The following SHISA6 variants were observed in gnomAD, a reference collection of about 807,000 sequenced individuals.
SHISA6 encodes shisa family member 6.
SHISA6 carries 22 observed loss-of-function variants against 47.9 expected under a neutral mutation model. The observed-to-expected ratio is 0.46, with a 90% CI of 0.33 to 0.66. The LOEUF (loss-of-function observed/expected upper bound fraction) is 0.66. Among genes scored for constraint, SHISA6 ranks in the 30% least tolerant of loss-of-function variants. SHISA6 has a pLI of 0.02. For synonymous variants in SHISA6, 388 were observed against 337.8 expected (o/e 1.15, Z -1.63); for missense variants, 680 against 764.6 (o/e 0.89, Z 1.30).
chr17:11,349,065 G>A (rs916607945), intron 2 of SHISA6, among the ~76,000 whole-genome samples: 2 of 152,156 alleles, frequency 1.3e-5, no homozygotes, highest in African/African-American at 4.8e-5. Context: ...GGTTGTGTTT[G>A]GTCTGGGATC....
intron 3 of SHISA6, among the ~76,000 whole-genome samples, chr17:11,526,110 A>ATC (rs2071678692): frequency 6.8e-6 from 1 of 146,862 alleles, no homozygotes; most frequent in African/African-American, 2.5e-5. Flanking sequence ...TACCAAGGGG[A>ATC]CCCCCCCCCG....
At chr17:11,459,295 A>G (rs895774428) in intron 3 of SHISA6, among the ~76,000 whole-genome samples, 6 of 151,464 alleles carry the variant, frequency 4.0e-5, no homozygotes, top group African/African-American at 1.5e-4. Flanking sequence ...GCCCTCCCCT[A>G]CCCTCCTACA....
At chr17:11,331,040 C>T (rs1412756109) in intron 2 of SHISA6, among the ~76,000 whole-genome samples, 1 of 152,188 alleles carries the variant, frequency 6.6e-6, no homozygotes, top group African/African-American at 2.4e-5. Flanking sequence ...CTTATAAGAA[C>T]TGGCTGCATT....
At chr17:11,348,434 A>G (rs1911768954) in intron 2 of SHISA6, among the ~76,000 whole-genome samples, 1 of 152,198 alleles carries the variant, frequency 6.6e-6, no homozygotes, top group Admixed American at 6.5e-5. Flanking sequence ...ATTCTTGATG[A>G]GCTAACGGCA....
chr17:11,310,710 C>T (rs1325010232), intron 2 of SHISA6, among the ~76,000 whole-genome samples: 2 of 152,140 alleles, frequency 1.3e-5, no homozygotes, highest in Non-Finnish European at 2.9e-5. Flanking sequence ...CGCGGTGGCT[C>T]ATGCCTATAA....
At chr17:11,417,249 T>C (rs1243931583) in intron 3 of SHISA6, among the ~76,000 whole-genome samples, 2 of 152,030 alleles carry the variant, frequency 1.3e-5, no homozygotes, top group Non-Finnish European at 2.9e-5. Flanking sequence ...TTCAGAAAGA[T>C]CAAATTATTA....
At chr17:11,247,599 C>T (rs1907640100) in intron 1 of SHISA6, among the ~76,000 whole-genome samples, 2 of 152,116 alleles carry the variant, frequency 1.3e-5, no homozygotes, top group South Asian at 4.1e-4. Flanking sequence ...TAAGATGTCT[C>T]AGATTGGTTG....
intron 3 of SHISA6, among the ~76,000 whole-genome samples, chr17:11,463,093 C>T (rs946567834): frequency 2.0e-5 from 3 of 152,140 alleles, no homozygotes; most frequent in African/African-American, 7.2e-5. Flanking sequence ...AAGGATTATC[C>T]AGGAACAGTT....
intron 3 of SHISA6, among the ~76,000 whole-genome samples, chr17:11,525,722 AAC>A (rs921501842): frequency 6.6e-5 from 10 of 151,494 alleles, no homozygotes; most frequent in African/African-American, 2.4e-4. Flanking sequence ...TGTTTTATAT[AAC>A]AGTCTTTATG....
At chr17:11,353,306 A>G (rs1911954980) in intron 2 of SHISA6, among the ~76,000 whole-genome samples, 1 of 151,970 alleles carries the variant, frequency 6.6e-6, no homozygotes, top group Non-Finnish European at 1.5e-5. Context: ...AAAATTCAAA[A>G]ATTAGCTGGG....
At chr17:11,277,992 G>A (rs755988876) in intron 2 of SHISA6, among the ~76,000 whole-genome samples, 6 of 152,316 alleles carry the variant, frequency 3.9e-5, no homozygotes, top group Non-Finnish European at 8.8e-5. Flanking sequence ...TCTTTGACTA[G>A]AGAAGAATGG....
intron 2 of SHISA6, among the ~76,000 whole-genome samples, chr17:11,366,936 C>A (rs751320785): frequency 1.3e-5 from 2 of 152,130 alleles, no homozygotes; most frequent in Non-Finnish European, 2.9e-5. Flanking sequence ...CAGATATAAT[C>A]AAATTAAGAT....
intron 1 of SHISA6, among the ~76,000 whole-genome samples, chr17:11,261,091 G>A (rs79834897): frequency 0.032 from 4,836 of 151,874 alleles, 180 homozygotes; most frequent in African/African-American, 0.093. Context: ...GGGGATGGAA[G>A]ATGGAGAGGA....
intron 3 of SHISA6, among the ~76,000 whole-genome samples, chr17:11,547,674 T>C (rs1447051527): frequency 6.6e-6 from 1 of 151,494 alleles, no homozygotes; most frequent in Admixed American, 6.6e-5. Flanking sequence ...CCAAAGAAAA[T>C]TAGGAGGCAG....
intron 2 of SHISA6, among the ~76,000 whole-genome samples, chr17:11,335,748 C>G (rs1483445711): frequency 1.3e-5 from 2 of 152,170 alleles, no homozygotes; most frequent in Non-Finnish European, 2.9e-5. Context: ...TGAGTTCCTT[C>G]TCTGGTGCCA....
Position 11,557,926 on chromosome 17 carries a change from T to A in SHISA6, c.1278T>A (p.Asp426Glu). The change falls in exon 6 of 6, where the codon GAT becomes GAA. Residue 426 changes from aspartate (D) to glutamate (E), a missense_variant. By Grantham distance (45) the Asp-to-Glu change is conservative. Around this residue, in one of 2 missense-constraint regions of SHISA6, gnomAD observed 559 missense variants for 674.1 expected, o/e 0.83. Transcript: ENST00000441885. Reference protein sequence around the residue: ...AMSQDRVLSPDRGLPDEFSMP... With the variant: ...AMSQDRVLSPERGLPDEFSMP... ...CCCAGGACAGGGTCCTGTCCCCGGA[T>A]CGGGGCCTGCCAGATGAGTTCAGCA... The A allele has an allele frequency of 6.4e-7, 1 of 1,551,512 alleles. No homozygotes were observed. Among genetic ancestry groups the A allele is most frequent in the Non-Finnish European group, 8.7e-7 (1 of 1,146,964 alleles).
At chr17:11,374,506 CTGTG>C (rs1912728098) in intron 2 of SHISA6, among the ~76,000 whole-genome samples, 2 of 150,756 alleles carry the variant, frequency 1.3e-5, no homozygotes, top group Admixed American at 6.6e-5. Context: ...GACTTGATTT[CTGTG>C]TATGTGTTTT....
At chr17:11,410,958 T>A (rs11656008) in intron 3 of SHISA6, among the ~76,000 whole-genome samples, 58,195 of 152,002 alleles carry the variant, frequency 0.38, 11,429 homozygotes, top group Middle Eastern at 0.46. Flanking sequence ...TGTCTATTTT[T>A]TTTATTTTTT....
At chr17:11,366,864 G>T (rs1211290992) in intron 2 of SHISA6, among the ~76,000 whole-genome samples, 1 of 152,132 alleles carries the variant, frequency 6.6e-6, no homozygotes, top group African/African-American at 2.4e-5. Flanking sequence ...GTTAAATTTT[G>T]CCCCCATAAA....
Sources: gnomAD v4.1 joint callset for allele counts (sites outside exome capture counted in the v4.1 genomes callset) on GRCh38, gnomAD v4.1.1 for gene constraint, gnomAD v4.1.1 regional missense constraint, MANE v1.5 for transcripts, NCBI Gene and HGNC (gene_info 2026-07-23, HGNC 2026-07-21) for gene names.